Variants in EVI5 observed in about 807,000 individuals in gnomAD.
EVI5 encodes the protein ecotropic viral integration site 5.
Under a neutral mutation model 112.0 loss-of-function variants are expected in EVI5, and 73 were observed. The ratio of observed to expected loss-of-function variants is 0.65; its 90% CI spans 0.54 to 0.79. EVI5 has a LOEUF of 0.79. Ranked by LOEUF, EVI5 falls within the 30% of genes least tolerant of loss-of-function variation. EVI5 has a pLI of 0.00. For missense variants in EVI5, 900 were observed against 968.8 expected, an observed-to-expected ratio of 0.93 and a Z score of 0.94; for synonymous variants, 305 against 319.9, an observed-to-expected ratio of 0.95 and a Z score of 0.50.
intron 1 of EVI5, chr1:92,756,106 A>G (rs1680914736): frequency 3.5e-6 from 1 of 288,616 alleles, no homozygotes; most frequent in Non-Finnish European, 7.4e-6. Context: ...AAAAGAAGAT[A>G]GTGTGCCTAA....
chr1:92,578,555 C>A (rs1179792708), intron 18 of EVI5, among the ~76,000 whole-genome samples: 2 of 151,750 alleles, frequency 1.3e-5, no homozygotes, highest in African/African-American at 4.8e-5. Context: ...ATCTACTAAA[C>A]AAAATACAAA....
intron 5 of EVI5, chr1:92,700,729 A>C (rs1671017170): frequency 6.6e-6 from 1 of 152,128 alleles, no homozygotes; most frequent in Non-Finnish European, 1.5e-5. Context: ...AAGAGAAATG[A>C]CTACTAAAAG....
At chr1:92,558,218 G>T (rs1303623847) in intron 19 of EVI5, among the ~76,000 whole-genome samples, 4 of 152,104 alleles carry the variant, frequency 2.6e-5, no homozygotes, top group African/African-American at 9.7e-5. Flanking sequence ...TGACCCTAAA[G>T]GTTGGGAGAA....
At chr1:92,659,597 G>T (rs1038966657) in intron 13 of EVI5, among the ~76,000 whole-genome samples, 4 of 152,050 alleles carry the variant, frequency 2.6e-5, no homozygotes, top group Admixed American at 6.6e-5. Flanking sequence ...AACAGATATT[G>T]GTGAGGATGT....
At chr1:92,691,474 T>C (rs1669498939) in intron 9 of EVI5, among the ~76,000 whole-genome samples, 1 of 152,202 alleles carries the variant, frequency 6.6e-6, no homozygotes, top group South Asian at 2.1e-4. Flanking sequence ...CTGAAAATTT[T>C]CCCAAGTGAA....
chr1:92,718,984 A>G (rs1289907634), intron 2 of EVI5, among the ~76,000 whole-genome samples: 1 of 152,212 alleles, frequency 6.6e-6, no homozygotes, highest in East Asian at 1.9e-4. Flanking sequence ...CACCTTCCCA[A>G]GCTAAACCAG....
intron 19 of EVI5, among the ~76,000 whole-genome samples, chr1:92,528,564 A>C (rs993700054): frequency 5.3e-5 from 8 of 152,246 alleles, no homozygotes; most frequent in Admixed American, 5.2e-4. Flanking sequence ...AAATGTTTAC[A>C]ATAGTCAAAT....
intron 9 of EVI5, among the ~76,000 whole-genome samples, chr1:92,686,119 C>G (rs1668493486): frequency 6.6e-6 from 1 of 152,144 alleles, no homozygotes; most frequent in African/African-American, 2.4e-5. Flanking sequence ...AGGCCAATAC[C>G]CCGATGAACA....
intron 14 of EVI5, among the ~76,000 whole-genome samples, chr1:92,633,422 T>A (rs1157723656): frequency 6.6e-6 from 1 of 152,214 alleles, no homozygotes; most frequent in Non-Finnish European, 1.5e-5. Flanking sequence ...TTTACCATTA[T>A]GTAATGGCCT....
At chr1:92,536,518 C>G (rs1233838242) in intron 19 of EVI5, among the ~76,000 whole-genome samples, 2 of 152,134 alleles carry the variant, frequency 1.3e-5, no homozygotes, top group African/African-American at 4.8e-5. Flanking sequence ...TGAAATTCTA[C>G]AGCAGGGATA....
intron 13 of EVI5, among the ~76,000 whole-genome samples, chr1:92,649,555 C>T (rs551774466): frequency 2.4e-4 from 37 of 152,206 alleles, no homozygotes; most frequent in African/African-American, 8.2e-4. Context: ...GTGGCTTATG[C>T]TTGTAATCTC....
chr1:92,753,292 C>T (rs1218138066), intron 1 of EVI5, among the ~76,000 whole-genome samples: 1 of 152,196 alleles, frequency 6.6e-6, no homozygotes, highest in Non-Finnish European at 1.5e-5. Context: ...GAGTTCAAGA[C>T]TAGCCTAGGC....
chr1:92,554,379 G>C (rs1363210893), intron 19 of EVI5, among the ~76,000 whole-genome samples: 1 of 152,208 alleles, frequency 6.6e-6, no homozygotes, highest in Non-Finnish European at 1.5e-5. Flanking sequence ...CCAGGCATGA[G>C]TTCCATCTCA....
At chr1:92,687,046 G>C (rs960039801) in intron 9 of EVI5, among the ~76,000 whole-genome samples, 6 of 152,094 alleles carry the variant, frequency 3.9e-5, no homozygotes. Context: ...CTACTTTAAA[G>C]TTCATATGGA....
At chr1:92,762,627 C>A (rs1257758918) in intron 1 of EVI5, among the ~76,000 whole-genome samples, 1 of 152,134 alleles carries the variant, frequency 6.6e-6, no homozygotes, top group African/African-American at 2.4e-5. Flanking sequence ...CTGCCTAAAA[C>A]TAATCTTATT....
In EVI5 at chr1:92,664,981, C is replaced by T. The variant is rs371186746; in HGVS notation, c.1212+958G>A. 4.1e-4 allele frequency among the ~76,000 whole-genome samples: 62 copies of T among 152,218 alleles called. 1 individual carries two copies. Among genetic ancestry groups the T allele is most frequent in the South Asian group, 4.2e-4 (2 of 4,818 alleles). On this transcript the variant is annotated intron_variant, in intron 11 of 19. Transcript: ENST00000684568. The stretch of plus-strand genomic sequence containing the variant: ...CAGCACTTTCGGAGGCCGAGGCAGG[C>T]GGATCACGAGGTCAAGAGATCAAGA...
intron 13 of EVI5, among the ~76,000 whole-genome samples, chr1:92,640,408 A>G (rs1659709522): frequency 6.6e-6 from 1 of 152,204 alleles, no homozygotes; most frequent in African/African-American, 2.4e-5. Flanking sequence ...AAACAAATTT[A>G]CAAGAGAAAA....
At chr1:92,615,291 G>T (rs1368705581) in intron 16 of EVI5, among the ~76,000 whole-genome samples, 2 of 152,150 alleles carry the variant, frequency 1.3e-5, no homozygotes, top group Non-Finnish European at 2.9e-5. Flanking sequence ...GAAAGAAAAT[G>T]ATGAATTCAG....
At chr1:92,602,677 G>A (rs1037248432) in intron 18 of EVI5, among the ~76,000 whole-genome samples, 6 of 152,118 alleles carry the variant, frequency 3.9e-5, no homozygotes, top group African/African-American at 1.4e-4. Flanking sequence ...AAAGCACTGG[G>A]ATTACAGGCA....
Sources: allele counts gnomAD v4.1 joint callset (sites outside exome capture counted in the v4.1 genomes callset), GRCh38; gene constraint gnomAD v4.1.1; transcripts MANE v1.5; gene names NCBI Gene and HGNC (gene_info 2026-07-23, HGNC 2026-07-21).